The following EVL variants were observed in gnomAD, a reference collection of about 807,000 sequenced individuals.
EVL encodes the protein ena/VASP-like protein.
EVL carries 21 observed loss-of-function variants against 59.6 expected under a neutral mutation model. The observed-to-expected ratio is 0.35, with a 90% CI of 0.25 to 0.51. The LOEUF (loss-of-function observed/expected upper bound fraction) is 0.51. Among genes scored for constraint, EVL ranks in the 20% least tolerant of loss-of-function variants. EVL has a pLI of 0.97. For synonymous variants in EVL, 198 were observed against 203.5 expected (o/e 0.97, Z 0.23); for missense variants, 462 against 546.6 (o/e 0.85, Z 1.54).
chr14:99,990,682 T>A (rs1225334070), intron 1 of EVL, among the ~76,000 whole-genome samples: 2 of 152,188 alleles, frequency 1.3e-5, no homozygotes, highest in Non-Finnish European at 2.9e-5. Context: ...GATACCCTTT[T>A]TTAAAGGCTG....
rs554231012 is a variant in EVL, at chr14:100,029,578, T to C, written c.6-55109T>C. Among the ~76,000 whole-genome samples, 43 of 152,208 alleles carry C rather than the reference T, an allele frequency of 2.8e-4. No homozygotes were observed. In the South Asian group the frequency reaches 3.9e-3, roughly 14 times the overall value. On this transcript the variant is annotated intron_variant, in intron 1 of 13. Coordinates refer to the EVL transcript ENST00000402714. ...ACATAGGAGATTGGGATAGATTCCA[T>C]AGGGATACAGATAACGTGCTGTGGC...
At chr14:99,989,598 A>AT (rs932082113) in intron 1 of EVL, among the ~76,000 whole-genome samples, 5 of 152,136 alleles carry the variant, frequency 3.3e-5, no homozygotes, top group African/African-American at 1.2e-4. Context: ...ACCCTCACAT[A>AT]TTTTTTATAC....
At chr14:100,125,412 G>T (rs1888010113) in intron 4 of EVL, among the ~76,000 whole-genome samples, 1 of 152,230 alleles carries the variant, frequency 6.6e-6, no homozygotes. Context: ...GACCTGACTT[G>T]AGTATTTTTC....
intron 1 of EVL, among the ~76,000 whole-genome samples, chr14:100,032,032 G>T (rs1423834593): frequency 6.6e-6 from 1 of 152,228 alleles, no homozygotes; most frequent in Non-Finnish European, 1.5e-5. Flanking sequence ...TGCTAGATCA[G>T]ACAACTGTGT....
rs201902559 is a variant in EVL at position 100,030,252 on chromosome 14, C to T, written c.6-54435C>T. Among the ~76,000 whole-genome samples the T allele has an allele frequency of 1.9e-4, 29 of 151,848 alleles. No homozygotes were observed. The East Asian group carries it at 4.5e-3, about 23-fold the overall frequency. ...GATTACAGACATGTGCCACCACGCC[C>T]GGCTATTTTTTTTTTTCTTTTGTAT... On this transcript the variant is annotated intron_variant, in intron 1 of 13. Coordinates refer to the EVL transcript ENST00000402714.
chr14:99,996,710 G>A (rs2140181979), intron 1 of EVL, among the ~76,000 whole-genome samples: 1 of 152,114 alleles, frequency 6.6e-6, no homozygotes, highest in South Asian at 2.1e-4. Context: ...GGAGGTCAGT[G>A]GCACAATCAC....
intron 1 of EVL, among the ~76,000 whole-genome samples, chr14:100,046,839 G>A (rs1375589470): frequency 2.1e-5 from 3 of 146,204 alleles, no homozygotes; most frequent in Admixed American, 6.9e-5. Context: ...TGCAACCTCC[G>A]CCTCCTGGGT....
At chr14:100,033,189 A>G (rs2061339856) in intron 1 of EVL, among the ~76,000 whole-genome samples, 1 of 152,244 alleles carries the variant, frequency 6.6e-6, no homozygotes, top group Admixed American at 6.5e-5. Flanking sequence ...GGTTTGAGTT[A>G]GTAAAAACCC....
At position 100,109,151 on chromosome 14, in the gene EVL, T is replaced by C. The variant is rs541430480; in HGVS notation, c.358+11493T>C. On this transcript the variant is annotated intron_variant, in intron 3 of 13. Transcript: ENST00000392920. This position sits in a 1 kb window ranked among gnomAD's most constrained non-coding sequence, Gnocchi z 4.3. ...CCATTTTCACCACCTGCACTGCATA[T>C]TCTCACCGTCTCTCCCCTGACACTC... Among the ~76,000 whole-genome samples the C allele has an allele frequency of 9.9e-5, 15 of 152,208 alleles. No individual in the cohort carries two copies. The highest frequency in any genetic ancestry group is 2.1e-4 in the Non-Finnish European group (14 of 68,040).
At chr14:99,977,951 G>A (rs1057330940) in intron 1 of EVL, 10 of 151,902 alleles carry the variant, frequency 6.6e-5, no homozygotes, top group African/African-American at 2.4e-4. Flanking sequence ...ACAACAGTTA[G>A]CCAGGCGTGC....
chr14:99,987,168 A>G (rs762439610), intron 1 of EVL, among the ~76,000 whole-genome samples: 35 of 152,242 alleles, frequency 2.3e-4, no homozygotes, highest in Non-Finnish European at 4.1e-4. Context: ...TAAGAGATTT[A>G]TATCTAGAAT....
intron 1 of EVL, among the ~76,000 whole-genome samples, chr14:100,066,759 G>A (rs1421724369): frequency 6.6e-6 from 1 of 152,188 alleles, no homozygotes; most frequent in South Asian, 2.1e-4. Flanking sequence ...AAAAGTAAAT[G>A]AGGCACAGCA....
chr14:99,992,339 T>C (rs1179980745), intron 1 of EVL, among the ~76,000 whole-genome samples: 1 of 152,242 alleles, frequency 6.6e-6, no homozygotes, highest in Non-Finnish European at 1.5e-5. Context: ...CCTTATATAT[T>C]CTGGATATTA....
chr14:100,016,578 AAAAC>A (rs1042404500), intron 1 of EVL, among the ~76,000 whole-genome samples: 14 of 152,354 alleles, frequency 9.2e-5, no homozygotes, highest in Non-Finnish European at 1.3e-4. Flanking sequence ...CTCCGTCTCT[AAAAC>A]AAACAAACAA....
At chr14:100,060,323 C>T (rs11621340) in intron 1 of EVL, among the ~76,000 whole-genome samples, 96,965 of 150,144 alleles carry the variant, frequency 0.65, 33,076 homozygotes, top group Non-Finnish European at 0.75. Context: ...CCCAGCTACG[C>T]GGGAGGCTGA....
intron 11 of EVL, 165 bp downstream of exon 11, chr14:100,137,967 G>T: frequency 1.5e-6 from 1 of 659,566 alleles, no homozygotes; most frequent in Non-Finnish European, 2.6e-6. Flanking sequence ...GGTCCTGTCA[G>T]TCAGCTGCTC....
chr14:99,984,816 A>G (rs907079342), intron 1 of EVL, among the ~76,000 whole-genome samples: 14 of 152,130 alleles, frequency 9.2e-5, no homozygotes, highest in South Asian at 4.1e-4. Flanking sequence ...GAGTTGCACC[A>G]TGTTGGCCAG....
At chr14:100,136,475 A>AGG (rs1888794535) in intron 9 of EVL, among the ~76,000 whole-genome samples, 1 of 152,144 alleles carries the variant, frequency 6.6e-6, no homozygotes, top group African/African-American at 2.4e-5. Flanking sequence ...GGAGGTAGTT[A>AGG]GGAGAGTATG....
At chr14:100,030,666 A>G in intron 1 of EVL, among the ~76,000 whole-genome samples, 1 of 152,234 alleles carries the variant, frequency 6.6e-6, no homozygotes, top group East Asian at 1.9e-4. Context: ...ACATGGTGTG[A>G]CTAATCAGCT....
Sources: gnomAD v4.1 joint callset for allele counts (sites outside exome capture counted in the v4.1 genomes callset) on GRCh38, gnomAD v4.1.1 for gene constraint, Gnocchi (gnomAD v3.1) non-coding constraint, MANE v1.5 for transcripts, NCBI Gene and HGNC (gene_info 2026-07-23, HGNC 2026-07-21) for gene names.